Variants in LRRC74A observed in about 807,000 individuals in gnomAD.
LRRC74A encodes the protein leucine rich repeat containing 74A.
LRRC74A carries 44 observed loss-of-function variants against 57.9 expected under a neutral mutation model. The ratio of observed to expected loss-of-function variants is 0.76; its 90% CI spans 0.60 to 0.98. The LOEUF (loss-of-function observed/expected upper bound fraction) is 0.98, where lower values mean the gene tolerates loss of function less well. LRRC74A is among the 50% of genes least tolerant of loss of function. LRRC74A has a pLI of 0.00. For synonymous variants in LRRC74A, 211 were observed against 219.4 expected (o/e 0.96, Z 0.34); for missense variants, 572 against 574.0 (o/e 1.00, Z 0.04).
At chr14:76,831,564 C>T (rs980683426) in intron 3 of LRRC74A, among the ~76,000 whole-genome samples, 189 bp downstream of exon 3, 2 of 152,114 alleles carry the variant, frequency 1.3e-5, no homozygotes, top group African/African-American at 4.8e-5. Context: ...CTACTAGCAA[C>T]CTGGGCCTTG....
At chr14:76,828,455 TCTC>T in intron 2 of LRRC74A, 36 bp downstream of exon 2, 2 of 1,613,314 alleles carry the variant, frequency 1.2e-6, no homozygotes, top group Non-Finnish European at 1.7e-6. Context: ...CAGGGCAGCT[TCTC>T]CTCAGAAACT....
intron 11 of LRRC74A, among the ~76,000 whole-genome samples, chr14:76,861,694 T>C (rs1446695599): frequency 1.3e-5 from 2 of 152,238 alleles, no homozygotes; most frequent in East Asian, 1.9e-4. Context: ...TTATTGCTCC[T>C]CTAGTCCCAT....
chr14:76,844,230 T>C (rs1240341924), intron 5 of LRRC74A, among the ~76,000 whole-genome samples, 193 bp from the exon 6 acceptor site: 1 of 152,234 alleles, frequency 6.6e-6, no homozygotes, highest in African/African-American at 2.4e-5. Flanking sequence ...CTCAAACTCC[T>C]GGGCTCAAGT....
chr14:76,835,783 AGAAGAAAGGCCTCT>A (rs1278534999), intron 3 of LRRC74A, among the ~76,000 whole-genome samples: 1 of 152,238 alleles, frequency 6.6e-6, no homozygotes, highest in Non-Finnish European at 1.5e-5. Flanking sequence ...AGCGTAAATT[AGAAGAAAGGCCTCT>A]GAAGAAAGCA....
At chr14:76,834,951 C>T (rs966531803) in intron 3 of LRRC74A, among the ~76,000 whole-genome samples, 1 of 152,198 alleles carries the variant, frequency 6.6e-6, no homozygotes, top group African/African-American at 2.4e-5. Flanking sequence ...ATAGCTTGGA[C>T]TATCACATTT....
intron 9 of LRRC74A, among the ~76,000 whole-genome samples, chr14:76,855,990 C>A (rs1039148222): frequency 1.3e-5 from 2 of 152,214 alleles, no homozygotes; most frequent in Admixed American, 1.3e-4. Context: ...CCAGGCTCCA[C>A]AGTCCCTTCC....
intron 11 of LRRC74A, among the ~76,000 whole-genome samples, chr14:76,864,795 A>C (rs917209585): frequency 2.6e-5 from 4 of 152,224 alleles, no homozygotes; most frequent in Non-Finnish European, 5.9e-5. Context: ...CAGAGGTTGC[A>C]GTGAGCCGAG....
Position 76,837,879 on chromosome 14 carries a change from T to C in LRRC74A, c.452T>C (p.Ile151Thr), listed in dbSNP as rs1443560757. 2 of 1,580,974 alleles carry C rather than the reference T, an allele frequency of 1.3e-6. No homozygotes were observed. The highest frequency in any genetic ancestry group is 1.7e-6 in the Non-Finnish European group (2 of 1,160,538). Reference sequence around the variant, plus strand: ...AAGTGTTTTCTTGCCTTTTAGAATATTTCCAACAATCACCTTGGTTTGGAG... The same window carrying C: ...AAGTGTTTTCTTGCCTTTTAGAATACTTCCAACAATCACCTTGGTTTGGAG... ...QENYYLQEMN[I>T]SNNHLGLEGA... is the part of the protein sequence containing the mutation. Residue 151 changes from isoleucine to threonine, a missense_variant, in exon 5 of 14, where the codon ATT (isoleucine) becomes ACT (threonine). By Grantham distance (89) the Ile-to-Thr change is moderately conservative. Coordinates refer to ENST00000689127, the MANE Select transcript of LRRC74A (RefSeq NM_001385106.1).
Position 76,857,482 on chromosome 14 carries a change from G to C in LRRC74A, c.1053+7G>C. ...GGAAGAGCTTGATATTTCCGTAAGT[G>C]ATCAAATGGTAGTTGCTTGCGTCTG... On this transcript the variant is annotated splice_region_variant and intron_variant, in intron 10 of 13. Coordinates refer to ENST00000689127, the MANE Select transcript of LRRC74A (RefSeq NM_001385106.1). The C allele has an allele frequency of 6.4e-7, 1 of 1,559,996 alleles. No homozygotes were observed. Among genetic ancestry groups the C allele is most frequent in the Non-Finnish European group, 8.7e-7 (1 of 1,149,366 alleles).
chr14:76,852,383 C>G lies in LRRC74A; in HGVS notation c.695C>G (p.Thr232Arg). 6.2e-7 allele frequency: 1 copy of G among 1,611,690 alleles called. No individual in the cohort carries two copies. The highest frequency in any genetic ancestry group is 8.5e-7 in the Non-Finnish European group (1 of 1,178,486). Residue 232 changes from threonine to arginine, a missense_variant, in exon 8 of 14, where the codon ACG becomes AGG. Physicochemically the swap from Thr to Arg is moderately conservative, Grantham distance 71. Transcript: ENST00000689127. The part of the protein sequence containing the change: ...GQMLAINVGL[T>R]SLDLSWNNFH... The stretch of plus-strand genomic sequence containing the variant: ...GTTTCAGCCATCAACGTGGGGCTCA[C>G]GTCACTGGATCTGAGCTGGAATAAC...
At chr14:76,854,085 C>T (rs1011573401) in intron 9 of LRRC74A, among the ~76,000 whole-genome samples, 5 of 152,180 alleles carry the variant, frequency 3.3e-5, no homozygotes, top group South Asian at 4.1e-4. Context: ...CTCTCCCTTG[C>T]TCTGCACCCA....
intron 10 of LRRC74A, among the ~76,000 whole-genome samples, chr14:76,859,621 G>C (rs1000853401): frequency 4.1e-5 from 6 of 146,152 alleles, no homozygotes; most frequent in Admixed American, 3.4e-4. Flanking sequence ...GACCACAGTG[G>C]CACTTAATAA....
chr14:76,854,744 T>C (rs968885706), intron 9 of LRRC74A, among the ~76,000 whole-genome samples: 10 of 152,222 alleles, frequency 6.6e-5, no homozygotes, highest in Non-Finnish European at 1.2e-4. Flanking sequence ...ACATATTTCA[T>C]TTTAAATTAA....
intron 10 of LRRC74A, among the ~76,000 whole-genome samples, chr14:76,860,067 C>G (rs941523030): frequency 1.3e-5 from 2 of 152,130 alleles, no homozygotes; most frequent in Non-Finnish European, 2.9e-5. Flanking sequence ...AGAACTTTCT[C>G]TAGAATCTCT....
chr14:76,828,850 T>A, intron 2 of LRRC74A: 1 of 448,580 alleles, frequency 2.2e-6, no homozygotes, highest in Non-Finnish European at 4.0e-6. Flanking sequence ...GCCCAGCACG[T>A]TGGCTGATCC....
At chr14:76,862,984 A>G (rs922149336) in intron 11 of LRRC74A, among the ~76,000 whole-genome samples, 2 of 152,116 alleles carry the variant, frequency 1.3e-5, no homozygotes, top group Non-Finnish European at 2.9e-5. Context: ...AGTTCTGGCA[A>G]TGGGGAGTGA....
intron 11 of LRRC74A, among the ~76,000 whole-genome samples, chr14:76,862,536 C>A (rs1187438110): frequency 6.9e-6 from 1 of 145,962 alleles, no homozygotes. Context: ...GACTCTGTCT[C>A]AAAAAAAAAA....
chr14:76,837,868 C>A lies in LRRC74A; in HGVS notation c.448-7C>A, dbSNP rs756637500. 3.3e-5 allele frequency: 51 copies of A among 1,561,340 alleles called. No homozygotes were observed. The highest frequency in any genetic ancestry group is 4.2e-5 in the Non-Finnish European group (48 of 1,146,638). On this transcript the variant is annotated splice_polypyrimidine_tract_variant and splice_region_variant and intron_variant, in intron 4 of 13. Coordinates refer to ENST00000689127, the MANE Select transcript of LRRC74A (RefSeq NM_001385106.1). ...TTTACATACCGAAGTGTTTTCTTGCCTTTTAGAATATTTCCAACAATCACC... is the reference window on the plus strand; with the variant it reads ...TTTACATACCGAAGTGTTTTCTTGCATTTTAGAATATTTCCAACAATCACC...
chr14:76,859,089 T>G (rs537205539), intron 10 of LRRC74A, among the ~76,000 whole-genome samples: 150 of 152,228 alleles, frequency 9.9e-4, no homozygotes, highest in African/African-American at 3.4e-3. Context: ...ATCCTCATGC[T>G]CCAGTTCTCA....
Sources: allele counts gnomAD v4.1 joint callset (sites outside exome capture counted in the v4.1 genomes callset), GRCh38; gene constraint gnomAD v4.1.1; transcripts MANE v1.5; gene names NCBI Gene and HGNC (gene_info 2026-07-23, HGNC 2026-07-21).